ATP10B: variants seen among roughly 807,000 people sequenced by gnomAD.
The protein encoded by ATP10B is ATPase phospholipid transporting 10B (putative).
A neutral mutation model predicts 141.2 loss-of-function variants in ATP10B; 122 were observed. That is an observed-to-expected ratio of 0.86 (90% CI 0.75 to 1.00). The LOEUF is 1.00. Ranked by LOEUF, ATP10B falls within the 50% of genes least tolerant of loss-of-function variation. The probability of loss-of-function intolerance (pLI) is 0.00; values close to 1 mark genes in which losing one functional copy is unlikely to be tolerated. For synonymous variants in ATP10B, 685 were observed against 692.0 expected (o/e 0.99, Z 0.16); for missense variants, 1,876 against 1,825.3 (o/e 1.03, Z -0.51).
At chr5:160,874,468 G>A in the ATP10B span, among the ~76,000 whole-genome samples, 6 of 152,076 alleles carry the variant, frequency 3.9e-5, no homozygotes, top group African/African-American at 1.2e-4. Flanking sequence ...ACTCTAAAAC[G>A]CAGAGTGCCT....
At chr5:160,663,772 T>A (rs1484185383) in intron 7 of ATP10B, among the ~76,000 whole-genome samples, 3 of 106,110 alleles carry the variant, frequency 2.8e-5, no homozygotes, top group Non-Finnish European at 4.1e-5. Context: ...ACATGTATCC[T>A]AAAACTTAAA....
intron 2 of ATP10B, among the ~76,000 whole-genome samples, chr5:160,730,987 C>T (rs2127793939): frequency 6.6e-6 from 1 of 152,280 alleles, no homozygotes; most frequent in Non-Finnish European, 1.5e-5. Context: ...TCTCTGGGTT[C>T]TCTGTAAGAC....
At chr5:160,830,510 C>T (rs1002602911) in intron 1 of ATP10B, among the ~76,000 whole-genome samples, 1 of 151,966 alleles carries the variant, frequency 6.6e-6, no homozygotes, top group Admixed American at 6.6e-5. Context: ...AAAACCAATG[C>T]TTTGCTTTTT....
rs184471362 is a variant in ATP10B, at chr5:160,795,136, A to T, written c.-575-9333T>A. Among the ~76,000 whole-genome samples, 148 of 152,340 alleles carry T rather than the reference A, an allele frequency of 9.7e-4. No homozygotes were observed. The South Asian group carries it at 0.02, about 20-fold the overall frequency. ...CCATTTCAGCATTGGTATGGTACAT[A>T]AGCTATTTCATTTATCTTTTTACAA... On this transcript the variant is annotated intron_variant, in intron 1 of 25. Coordinates refer to ENST00000327245, the MANE Select transcript of ATP10B (RefSeq NM_025153.3).
intron 1 of ATP10B, among the ~76,000 whole-genome samples, chr5:160,805,761 G>A (rs536224911): frequency 6.6e-6 from 1 of 152,284 alleles, no homozygotes; most frequent in East Asian, 1.9e-4. Context: ...GTGAGCAGCC[G>A]GCTCCAGATT....
At chr5:160,639,409 G>A (rs1561681916) in intron 10 of ATP10B, among the ~76,000 whole-genome samples, 1 of 152,130 alleles carries the variant, frequency 6.6e-6, no homozygotes, top group Non-Finnish European at 1.5e-5. Context: ...AGAGTATCTC[G>A]ATTATGAAGG....
At chr5:160,706,597 T>C (rs1245295100) in intron 3 of ATP10B, among the ~76,000 whole-genome samples, 1 of 152,200 alleles carries the variant, frequency 6.6e-6, no homozygotes, top group Non-Finnish European at 1.5e-5. Context: ...CATCTGTGAT[T>C]GCCCTGGTTA....
rs752351404 is a variant in ATP10B at position 160,686,186 on chromosome 5, T to A, written c.363A>T (p.Pro121=). ...EVFHREITML[P]LAIVLFVIMI... ...TGATGACGAACAGGACAATGGCCAA[T>A]GGTAACATGGTGATTTCTCTGTGGA... Residue 121 remains proline (P), a synonymous_variant, in exon 6 of 26, where the codon CCA becomes CCT. Transcript: ENST00000327245. 6.2e-7 allele frequency: 1 copy of A among 1,613,250 alleles called. No individual in the cohort carries two copies. Among genetic ancestry groups the A allele is most frequent in the Non-Finnish European group, 8.5e-7 (1 of 1,179,458 alleles).
At chr5:160,909,030 G>A in the ATP10B span, among the ~76,000 whole-genome samples, 1 of 152,100 alleles carries the variant, frequency 6.6e-6, no homozygotes, top group South Asian at 2.1e-4. Context: ...GCGAGGCTCT[G>A]GGGAATGAAT....
the ATP10B span, among the ~76,000 whole-genome samples, chr5:160,870,538 GAC>G: frequency 6.6e-6 from 1 of 151,530 alleles, no homozygotes; most frequent in Non-Finnish European, 1.5e-5. Context: ...AAGAGAAAAA[GAC>G]AAACTAAAAA....
At chr5:160,845,018 C>A (rs1018829992) in intron 1 of ATP10B, among the ~76,000 whole-genome samples, 1 of 151,594 alleles carries the variant, frequency 6.6e-6, no homozygotes, top group African/African-American at 2.4e-5. Flanking sequence ...TTTGGCCACC[C>A]TTATTTGTTT....
At chr5:160,877,226 CA>C in the ATP10B span, among the ~76,000 whole-genome samples, 3 of 151,642 alleles carry the variant, frequency 2.0e-5, no homozygotes, top group Admixed American at 1.3e-4. Context: ...AAGGCTGGTT[CA>C]ATATACACAA....
chr5:160,764,982 TA>T (rs1439771936), intron 2 of ATP10B, among the ~76,000 whole-genome samples: 1 of 151,762 alleles, frequency 6.6e-6, no homozygotes, highest in Admixed American at 6.6e-5. Context: ...AAATAAAAAA[TA>T]AAGTAAAAAT....
At chr5:160,715,396 CCTTT>C (rs1166943938) in intron 3 of ATP10B, among the ~76,000 whole-genome samples, 1 of 143,348 alleles carries the variant, frequency 7.0e-6, no homozygotes, top group Admixed American at 7.0e-5. Context: ...GTCCGTCACC[CCTTT>C]CTTTGACTCG....
chr5:160,864,686 T>C, the ATP10B span, among the ~76,000 whole-genome samples: 3 of 151,908 alleles, frequency 2.0e-5, no homozygotes, highest in Admixed American at 6.6e-5. Context: ...TAAAGACTTA[T>C]CCAAAAAGCT....
intron 2 of ATP10B, among the ~76,000 whole-genome samples, chr5:160,720,999 T>C (rs1360987251): frequency 6.6e-6 from 1 of 152,238 alleles, no homozygotes; most frequent in Non-Finnish European, 1.5e-5. Context: ...AAGCCTGTTG[T>C]AAATACAAGT....
At chr5:160,808,491 A>G (rs1772936895) in intron 1 of ATP10B, among the ~76,000 whole-genome samples, 1 of 152,128 alleles carries the variant, frequency 6.6e-6, no homozygotes, top group Non-Finnish European at 1.5e-5. Context: ...TTTATCCTTC[A>G]AAAGGCTGAA....
chr5:160,634,516 C>T lies in ATP10B; in HGVS notation c.1219G>A (p.Glu407Lys). 1 of 1,614,194 alleles carries T rather than the reference C, an allele frequency of 6.2e-7. No homozygotes were observed. The highest frequency in any genetic ancestry group is 8.5e-7 in the Non-Finnish European group (1 of 1,180,036). ...FLSNDLDLYD[E>K]ETDLSIQCRA... is the part of the protein sequence containing the mutation. ...CATTGAATGGATAAATCGGTCTCTT[C>T]ATCATACAGGTCAAGGTCATTGCTC... The change falls in exon 12 of 26, where the codon GAA (glutamate) becomes AAA (lysine). Residue 407 changes from glutamate to lysine, a missense_variant. By Grantham distance (56) the Glu-to-Lys change is moderately conservative. Coordinates refer to ENST00000327245, the MANE Select transcript of ATP10B (RefSeq NM_025153.3).
chr5:160,898,211 G>A, the ATP10B span, among the ~76,000 whole-genome samples: 20 of 152,018 alleles, frequency 1.3e-4, no homozygotes, highest in African/African-American at 4.6e-4. Context: ...GAGTGAATAG[G>A]AAACCTACAG....
Sources: allele counts gnomAD v4.1 joint callset (sites outside exome capture counted in the v4.1 genomes callset), GRCh38; gene constraint gnomAD v4.1.1; transcripts MANE v1.5; gene names NCBI Gene and HGNC (gene_info 2026-07-23, HGNC 2026-07-21).